The following ARHGAP44 variants were observed in gnomAD, a reference collection of about 807,000 sequenced individuals.
ARHGAP44 encodes the protein Rho GTPase activating protein 44.
Under a neutral mutation model 106.8 loss-of-function variants are expected in ARHGAP44, and 43 were observed. The observed-to-expected ratio is 0.40, with a 90% CI of 0.32 to 0.52. The LOEUF (loss-of-function observed/expected upper bound fraction) is 0.52, where lower values mean the gene tolerates loss of function less well. ARHGAP44 is among the 20% of genes least tolerant of loss of function. ARHGAP44 has a pLI of 0.48. For synonymous variants in ARHGAP44, 439 were observed against 410.3 expected, an observed-to-expected ratio of 1.07 and a Z score of -0.85; for missense variants, 866 against 1,050.5, an observed-to-expected ratio of 0.82 and a Z score of 2.43.
At chr17:12,962,535 G>A (rs2039287772) in intron 16 of ARHGAP44, among the ~76,000 whole-genome samples, 1 of 152,130 alleles carries the variant, frequency 6.6e-6, no homozygotes, top group Admixed American at 6.6e-5. Flanking sequence ...TTATCAAGGT[G>A]GGCTCTACAT....
chr17:12,986,774 G>A (rs1262749836), intron 20 of ARHGAP44: 1 of 249,978 alleles, frequency 4.0e-6, no homozygotes, highest in Admixed American at 5.5e-5. Flanking sequence ...AACAAAAGTG[G>A]GCAACAGAAG....
At chr17:12,973,233 A>G (rs2039573963) in intron 16 of ARHGAP44, 69 bp from the exon 17 acceptor site, 3 of 1,523,288 alleles carry the variant, frequency 2.0e-6, no homozygotes, top group African/African-American at 1.4e-5. Context: ...TTACAGAAAG[A>G]CAACCTTTAT....
At chr17:12,983,631 C>T (rs2039885735) in intron 19 of ARHGAP44, among the ~76,000 whole-genome samples, 1 of 152,018 alleles carries the variant, frequency 6.6e-6, no homozygotes, top group Non-Finnish European at 1.5e-5. Context: ...ATGGAGAAAC[C>T]CTGTGTCTAC....
intron 1 of ARHGAP44, among the ~76,000 whole-genome samples, chr17:12,798,866 G>A (rs2034003427): frequency 1.3e-5 from 2 of 152,130 alleles, no homozygotes; most frequent in African/African-American, 4.8e-5. Context: ...ACAGTTTTCT[G>A]GATTTCTTGA....
In ARHGAP44 at chr17:12,974,094, G is replaced by T. The variant is rs865953759; in HGVS notation, c.1547G>T (p.Gly516Val). 3 of 1,565,574 alleles carry T rather than the reference G, an allele frequency of 1.9e-6. No individual in the cohort carries two copies. The highest frequency in any genetic ancestry group is 2.6e-6 in the Non-Finnish European group (3 of 1,155,022). The change falls in exon 18 of 21, where the codon GGT (glycine) becomes GTT (valine). Residue 516 changes from glycine to valine, a missense_variant. Physicochemically the swap from Gly to Val is moderately radical, Grantham distance 109 (BLOSUM62 -3). Transcript: ENST00000379672. ...GTCTTTGTGTCCCTCGCCAGCATGG[G>T]TGTGAGGGTCATGGACACAAACTGG... ...KDGLRKIQSM[G>V]VRVMDTNWVA...
chr17:12,885,543 TTGTG>T (rs368471733), intron 1 of ARHGAP44, among the ~76,000 whole-genome samples: 1 of 149,218 alleles, frequency 6.7e-6, no homozygotes, highest in Non-Finnish European at 1.5e-5. Flanking sequence ...GAGTGTGTGT[TTGTG>T]TGTGTGTGTG....
intron 20 of ARHGAP44, chr17:12,987,184 C>T (rs961073958): frequency 2.4e-5 from 36 of 1,520,808 alleles, no homozygotes; most frequent in Middle Eastern, 3.4e-4. Flanking sequence ...CCCTCCACCC[C>T]GCTAGCTAGC....
At chr17:12,955,629 C>A in intron 13 of ARHGAP44, 1 of 418,684 alleles carries the variant, frequency 2.4e-6, no homozygotes, top group Non-Finnish European at 4.4e-6. Context: ...ACTTTCTGGC[C>A]AGTGTTAGTT....
intron 18 of ARHGAP44, among the ~76,000 whole-genome samples, chr17:12,976,384 G>A (rs765725958): frequency 6.6e-6 from 1 of 151,954 alleles, no homozygotes; most frequent in Non-Finnish European, 1.5e-5. Context: ...AGGCTGAGGC[G>A]GGCGGATCAC....
At chr17:12,801,157 T>TA (rs1482319250) in intron 1 of ARHGAP44, among the ~76,000 whole-genome samples, 2 of 152,250 alleles carry the variant, frequency 1.3e-5, no homozygotes, top group African/African-American at 4.8e-5. Flanking sequence ...TGTAACACAT[T>TA]AACCAAACAA....
In ARHGAP44 at chr17:12,984,807, C is replaced by T. The variant is rs200177237; in HGVS notation, c.2216C>T (p.Pro739Leu). 3.0e-5 allele frequency: 48 copies of T among 1,613,958 alleles called. No individual in the cohort carries two copies. Among genetic ancestry groups the T allele is most frequent in the Admixed American group, 8.3e-5 (5 of 60,022 alleles). Residue 739 changes from proline (P) to leucine (L), a missense_variant, in exon 20 of 21, where the codon CCG becomes CTG. Transcript: ENST00000379672. ...TPKPRQRPTLPPPQPPTVNLS... is the reference protein window; with the variant it reads ...TPKPRQRPTLLPPQPPTVNLS... The stretch of plus-strand genomic sequence containing the variant: ...AAGCCGCGACAGAGACCTACTCTGC[C>T]GCCTCCTCAGCCTCCCACAGTAAAC...
intron 7 of ARHGAP44, among the ~76,000 whole-genome samples, chr17:12,932,868 C>G (rs188009932): frequency 6.6e-6 from 1 of 152,286 alleles, no homozygotes; most frequent in African/African-American, 2.4e-5. Context: ...CGATAGTATA[C>G]AGTTTCTATT....
intron 1 of ARHGAP44, among the ~76,000 whole-genome samples, chr17:12,874,906 G>A (rs1285317830): frequency 6.9e-6 from 1 of 144,370 alleles, no homozygotes; most frequent in East Asian, 2.3e-4. Context: ...GGAACACAGA[G>A]TATATCGGGC....
At chr17:12,891,889 A>C (rs981660018) in intron 1 of ARHGAP44, among the ~76,000 whole-genome samples, 14 of 150,146 alleles carry the variant, frequency 9.3e-5, no homozygotes, top group Non-Finnish European at 4.4e-5. Context: ...CTGCCTCCCC[A>C]GGTTCAAGCG....
At chr17:12,818,015 T>C (rs2034647243) in intron 1 of ARHGAP44, among the ~76,000 whole-genome samples, 1 of 151,952 alleles carries the variant, frequency 6.6e-6, no homozygotes, top group Non-Finnish European at 1.5e-5. Context: ...AGGTCTTTAT[T>C]ACACTGATAG....
At chr17:12,899,273 T>A (rs1413589042) in intron 3 of ARHGAP44, among the ~76,000 whole-genome samples, 1 of 152,200 alleles carries the variant, frequency 6.6e-6, no homozygotes, top group African/African-American at 2.4e-5. Context: ...CCAGCCTCAC[T>A]GCATGGATTT....
intron 1 of ARHGAP44, among the ~76,000 whole-genome samples, chr17:12,863,141 ATAAAAT>A (rs1489309722): frequency 9.9e-5 from 15 of 150,890 alleles, no homozygotes; most frequent in Admixed American, 5.2e-4. Flanking sequence ...AAATAAATAA[ATAAAAT>A]TAAAATAATT....
intron 16 of ARHGAP44, 134 bp downstream of exon 16, chr17:12,959,031 A>AT: frequency 9.2e-7 from 1 of 1,092,718 alleles, no homozygotes; most frequent in Non-Finnish European, 1.3e-6. Flanking sequence ...CGTAGCAATT[A>AT]AACTGTATCT....
intron 1 of ARHGAP44, among the ~76,000 whole-genome samples, chr17:12,847,196 T>C (rs575295396): frequency 3.3e-5 from 5 of 152,306 alleles, no homozygotes; most frequent in South Asian, 4.1e-4. Context: ...GCGTTGCTGA[T>C]TGGGCCACAC....
Sources: gnomAD v4.1 joint callset for allele counts (sites outside exome capture counted in the v4.1 genomes callset) on GRCh38, gnomAD v4.1.1 for gene constraint, MANE v1.5 for transcripts, NCBI Gene and HGNC (gene_info 2026-07-23, HGNC 2026-07-21) for gene names.